Variants in PCDH9 observed in about 807,000 individuals in gnomAD.
PCDH9 encodes protocadherin-9.
Under a neutral mutation model 70.6 loss-of-function variants are expected in PCDH9, and 24 were observed. The ratio of observed to expected loss-of-function variants is 0.34; its 90% CI spans 0.25 to 0.48. The LOEUF (loss-of-function observed/expected upper bound fraction) is 0.48, where lower values mean the gene tolerates loss of function less well. Ranked by LOEUF, PCDH9 falls within the 20% of genes least tolerant of loss-of-function variation. PCDH9 has a pLI of 0.99. For synonymous variants in PCDH9, 562 were observed against 558.5 expected, an observed-to-expected ratio of 1.01 and a Z score of -0.09; for missense variants, 1,281 against 1,503.6, an observed-to-expected ratio of 0.85 and a Z score of 2.45.
intron 3 of PCDH9, among the ~76,000 whole-genome samples, chr13:66,752,051 C>G (rs1051346065): frequency 6.6e-6 from 1 of 152,078 alleles, no homozygotes; most frequent in Admixed American, 6.5e-5. Context: ...TGAGCTAACA[C>G]CTGAATGATA....
intron 3 of PCDH9, among the ~76,000 whole-genome samples, chr13:66,692,546 G>A (rs933549368): frequency 6.6e-6 from 1 of 151,940 alleles, no homozygotes; most frequent in African/African-American, 2.4e-5. Flanking sequence ...TTCCAATGGA[G>A]CCAATGGATT....
In PCDH9 at chr13:66,965,890, T is replaced by G. The variant is rs537934100; in HGVS notation, c.3037-62285A>C. 3.1e-3 allele frequency among the ~76,000 whole-genome samples: 472 copies of G among 152,078 alleles called. 5 individuals carry two copies. Among genetic ancestry groups the G allele is most frequent in the African/African-American group, 0.011 (458 of 41,540 alleles). ...TAAAAATATTTTATATATATTTCTT[T>G]AAAACATGCAAATCAATACCAAGTC... On this transcript the variant is annotated intron_variant, in intron 2 of 4. Transcript: ENST00000377865.
At chr13:66,990,884 C>T (rs1049211222) in intron 2 of PCDH9, 18 of 151,970 alleles carry the variant, frequency 1.2e-4, no homozygotes, top group Non-Finnish European at 2.7e-4. Context: ...TAACAGATAA[C>T]TTTTTCTAGT....
intron 2 of PCDH9, among the ~76,000 whole-genome samples, chr13:67,180,955 G>A (rs911728131): frequency 2.6e-5 from 4 of 152,058 alleles, no homozygotes; most frequent in South Asian, 2.1e-4. Flanking sequence ...AAGCATTATC[G>A]TTTATAAAGT....
intron 2 of PCDH9, among the ~76,000 whole-genome samples, chr13:67,158,215 A>G (rs2087864087): frequency 6.6e-6 from 1 of 152,218 alleles, no homozygotes; most frequent in Non-Finnish European, 1.5e-5. Flanking sequence ...GAAAGTAAAC[A>G]TATGCATCCT....
chr13:67,025,228 G>C (rs1201559786), intron 2 of PCDH9, among the ~76,000 whole-genome samples: 4 of 151,944 alleles, frequency 2.6e-5, no homozygotes, highest in Admixed American at 2.6e-4. Context: ...GAAATGGTTT[G>C]GTATATTTTC....
intron 3 of PCDH9, among the ~76,000 whole-genome samples, chr13:66,685,906 A>G (rs999682803): frequency 6.6e-6 from 1 of 152,164 alleles, no homozygotes; most frequent in African/African-American, 2.4e-5. Flanking sequence ...CTGTGCCTTC[A>G]TTGTATCTAG....
intron 3 of PCDH9, among the ~76,000 whole-genome samples, chr13:66,854,009 A>C (rs1310272506): frequency 6.6e-6 from 1 of 152,242 alleles, no homozygotes; most frequent in Non-Finnish European, 1.5e-5. Flanking sequence ...GCATAGTCAA[A>C]GATGTGAGGT....
chr13:66,679,957 TTAA>T (rs1193554335), intron 3 of PCDH9, among the ~76,000 whole-genome samples: 8 of 152,140 alleles, frequency 5.3e-5, no homozygotes, highest in Admixed American at 2.0e-4. Flanking sequence ...AACATCTTTT[TTAA>T]TACTACTAAA....
chr13:66,574,609 T>G (rs769347929), intron 4 of PCDH9, among the ~76,000 whole-genome samples: 1 of 152,224 alleles, frequency 6.6e-6, no homozygotes, highest in East Asian at 1.9e-4. Context: ...ACTTAATGCA[T>G]CTTTCAAAAA....
rs1339497187 is a variant in PCDH9 at position 67,228,349 on chromosome 13, C to G, written c.92G>C (p.Arg31Thr). The G allele has an allele frequency of 1.2e-6, 2 of 1,614,116 alleles. No individual in the cohort carries two copies. Among genetic ancestry groups the G allele is most frequent in the South Asian group, 2.2e-5 (2 of 91,064 alleles). The change falls in exon 2 of 5, where the codon AGA becomes ACA. Residue 31 changes from arginine to threonine, a missense_variant. Transcript: ENST00000377865. ...GGGCACATTTTCAGGCAATTCCTCT[C>G]TAATAGTGTAAATAAGTTCTTGAGC... is the stretch of plus-strand genomic sequence containing the variant. ...AIAQELIYTI[R>T]EELPENVPIG... is the part of the protein sequence containing the mutation.
chr13:67,012,203 T>C (rs2084464801), intron 2 of PCDH9, among the ~76,000 whole-genome samples: 1 of 151,836 alleles, frequency 6.6e-6, no homozygotes, highest in Non-Finnish European at 1.5e-5. Context: ...TTTTAAACAG[T>C]GATTCTATTG....
At chr13:66,316,207 C>A (rs1256210430) in intron 4 of PCDH9, among the ~76,000 whole-genome samples, 1 of 152,174 alleles carries the variant, frequency 6.6e-6, no homozygotes, top group African/African-American at 2.4e-5. Flanking sequence ...CCACCTGGAT[C>A]ATCCAGGATA....
chr13:66,388,737 G>A (rs957888883), intron 4 of PCDH9, among the ~76,000 whole-genome samples: 3 of 152,022 alleles, frequency 2.0e-5, no homozygotes, highest in Admixed American at 6.6e-5. Flanking sequence ...GATATCATGA[G>A]TACTTATTTC....
At chr13:67,168,499 G>A (rs2088184886) in intron 2 of PCDH9, among the ~76,000 whole-genome samples, 1 of 152,104 alleles carries the variant, frequency 6.6e-6, no homozygotes, top group Admixed American at 6.6e-5. Context: ...AGGTCAAGGT[G>A]CAGAATTGCT....
chr13:66,881,403 A>T (rs1165131564), intron 3 of PCDH9, among the ~76,000 whole-genome samples: 2 of 152,024 alleles, frequency 1.3e-5, no homozygotes, highest in Non-Finnish European at 2.9e-5. Flanking sequence ...GTGAAGGGCA[A>T]CTCCCACTTT....
intron 4 of PCDH9, chr13:66,323,172 A>C (rs998152264): frequency 1.3e-5 from 2 of 152,032 alleles, no homozygotes; most frequent in Non-Finnish European, 2.9e-5. Context: ...GTTCTCTTTT[A>C]GGTTTGATGA....
intron 4 of PCDH9, among the ~76,000 whole-genome samples, chr13:66,463,474 AAG>A (rs976936296): frequency 1.3e-5 from 2 of 151,890 alleles, no homozygotes; most frequent in Non-Finnish European, 2.9e-5. Context: ...AGAGAAAAAA[AAG>A]AGAGGAGAGA....
chr13:66,658,738 A>G (rs1450493945), intron 3 of PCDH9, among the ~76,000 whole-genome samples: 3 of 152,186 alleles, frequency 2.0e-5, no homozygotes, highest in Non-Finnish European at 2.9e-5. Context: ...AATGGTATAT[A>G]AAATGATGAT....
Sources: allele counts gnomAD v4.1 joint callset (sites outside exome capture counted in the v4.1 genomes callset), GRCh38; gene constraint gnomAD v4.1.1; transcripts MANE v1.5; gene names NCBI Gene and HGNC (gene_info 2026-07-23, HGNC 2026-07-21).